The following PLCB1 variants were observed in gnomAD, a reference collection of about 807,000 sequenced individuals.
PLCB1 encodes phospholipase C beta 1.
Under a neutral mutation model 161.8 loss-of-function variants are expected in PLCB1, and 46 were observed. That is an observed-to-expected ratio of 0.28 (90% CI 0.22 to 0.36). The LOEUF is 0.36. Among genes scored for constraint, PLCB1 ranks in the 10% least tolerant of loss-of-function variants. PLCB1 has a pLI of 1.00. For missense variants in PLCB1, 1,016 were observed against 1,472.5 expected (o/e 0.69, Z 5.07); for synonymous variants, 517 against 503.7 (o/e 1.03, Z -0.35).
At chr20:8,154,275 G>C (rs1322810370) in intron 2 of PLCB1, among the ~76,000 whole-genome samples, 1 of 152,146 alleles carries the variant, frequency 6.6e-6, no homozygotes, top group African/African-American at 2.4e-5. Context: ...GTTAGTACAT[G>C]TGTATGTATC....
chr20:8,286,135 GCCAGCATGGCTAAACC>G (rs1983110485), intron 2 of PLCB1, among the ~76,000 whole-genome samples: 1 of 152,148 alleles, frequency 6.6e-6, no homozygotes. Flanking sequence ...GACCAGCCTG[GCCAGCATGGCTAAACC>G]CCGTCTCTAC....
At chr20:8,567,006 C>G (rs1986357887) in intron 3 of PLCB1, among the ~76,000 whole-genome samples, 1 of 152,102 alleles carries the variant, frequency 6.6e-6, no homozygotes, top group South Asian at 2.1e-4. Flanking sequence ...TATAACAGAA[C>G]TCGTAATTCT....
At chr20:8,447,322 T>G (rs534715252) in intron 3 of PLCB1, among the ~76,000 whole-genome samples, 1 of 152,138 alleles carries the variant, frequency 6.6e-6, no homozygotes, top group African/African-American at 2.4e-5. Context: ...GCTGTGAAAT[T>G]TGGACAAGCA....
In PLCB1 at chr20:8,307,529, G is replaced by GT. The variant is rs548501007; in HGVS notation, c.178-63845dup. Reference sequence around the variant, plus strand: ...TTTTTGTGCTTTTGGTTTGGTGGGGGTTTTTTTTGTTAGTTTTTGAGGGTT... The same window carrying GT: ...TTTTTGTGCTTTTGGTTTGGTGGGGGTTTTTTTTTGTTAGTTTTTGAGGGTT... On this transcript the variant is annotated intron_variant, in intron 2 of 31. Coordinates refer to ENST00000338037, the MANE Select transcript of PLCB1 (RefSeq NM_015192.4). 3.0e-4 allele frequency among the ~76,000 whole-genome samples: 45 copies of GT among 151,880 alleles called. No individual in the cohort carries two copies. In the South Asian group the frequency reaches 3.7e-3, roughly 13 times the overall value.
intron 31 of PLCB1, among the ~76,000 whole-genome samples, chr20:8,824,144 A>T (rs1316194836): frequency 6.6e-6 from 1 of 152,152 alleles, no homozygotes; most frequent in Admixed American, 6.5e-5. Flanking sequence ...TAAAAGCTCA[A>T]TACCTTTATT....
At chr20:8,395,820 A>T (rs867645626) in intron 3 of PLCB1, among the ~76,000 whole-genome samples, 62 of 148,624 alleles carry the variant, frequency 4.2e-4, no homozygotes, top group African/African-American at 1.1e-3. Context: ...TTCCCATTTT[A>T]AAAAAAAAAC....
intron 3 of PLCB1, among the ~76,000 whole-genome samples, chr20:8,496,677 A>G (rs1304478270): frequency 6.6e-6 from 1 of 152,164 alleles, no homozygotes; most frequent in Non-Finnish European, 1.5e-5. Context: ...TTGGCTAAGA[A>G]TGTCCTTAAA....
intron 2 of PLCB1, among the ~76,000 whole-genome samples, chr20:8,189,551 A>T (rs2051943371): frequency 6.6e-6 from 1 of 152,020 alleles, no homozygotes; most frequent in Non-Finnish European, 1.5e-5. Context: ...TACACCTGAA[A>T]TGTAGGCGGC....
chr20:8,543,754 G>C (rs1278849502), intron 3 of PLCB1, among the ~76,000 whole-genome samples: 1 of 151,974 alleles, frequency 6.6e-6, no homozygotes, highest in Non-Finnish European at 1.5e-5. Context: ...TAGATTATGG[G>C]GGCAGTTCCC....
chr20:8,559,489 AT>A (rs1045769125), intron 3 of PLCB1, among the ~76,000 whole-genome samples: 3 of 152,002 alleles, frequency 2.0e-5, no homozygotes, highest in African/African-American at 7.2e-5. Flanking sequence ...TTAAATGTAA[AT>A]GAGCTAAACT....
chr20:8,483,941 A>C (rs904405969), intron 3 of PLCB1, among the ~76,000 whole-genome samples: 2 of 152,200 alleles, frequency 1.3e-5, no homozygotes, highest in Non-Finnish European at 2.9e-5. Flanking sequence ...AAATGCACAC[A>C]CATAGCAGCT....
rs2423352 is a variant in PLCB1, at chr20:8,196,636, C to T, written c.177+46265C>T. On this transcript the variant is annotated intron_variant, in intron 2 of 31. Coordinates refer to ENST00000338037, the MANE Select transcript of PLCB1 (RefSeq NM_015192.4). Reference sequence around the variant, plus strand: ...ACTCCTTCTGTCTAACAGCCTCAAACAAGCTCCTTTTCTTTATATATATAT... The same window carrying T: ...ACTCCTTCTGTCTAACAGCCTCAAATAAGCTCCTTTTCTTTATATATATAT... 2.7e-5 allele frequency among the ~76,000 whole-genome samples: 4 copies of T among 150,400 alleles called. No homozygotes were observed. The East Asian group carries it at 7.8e-4, about 29-fold the overall frequency.
intron 3 of PLCB1, among the ~76,000 whole-genome samples, chr20:8,463,991 T>C (rs1339256681): frequency 6.6e-6 from 1 of 152,108 alleles, no homozygotes; most frequent in Non-Finnish European, 1.5e-5. Context: ...CTCCCGGGAG[T>C]ATTGTTAAAT....
At position 8,154,083 on chromosome 20, in the gene PLCB1, T is replaced by C. The variant is rs77267212; in HGVS notation, c.177+3712T>C. Among the ~76,000 whole-genome samples, 1,167 of 152,328 alleles carry C rather than the reference T, an allele frequency of 7.7e-3. 18 individuals are homozygous for C. Among genetic ancestry groups the C allele is most frequent in the African/African-American group, 0.026 (1,083 of 41,580 alleles). On this transcript the variant is annotated intron_variant, in intron 2 of 31. Transcript: ENST00000338037. ...GGTCTCTTTTAAATAAATTTGTGCA[T>C]GTGTAACTATGGAAATATTTCATTT...
chr20:8,667,144 GACAA>G (rs1568553198), intron 9 of PLCB1, among the ~76,000 whole-genome samples: 1 of 152,074 alleles, frequency 6.6e-6, no homozygotes, highest in Non-Finnish European at 1.5e-5. Flanking sequence ...TCTCCCAAAA[GACAA>G]AAACAGAGGA....
At chr20:8,721,985 A>G (rs1979663152) in intron 14 of PLCB1, among the ~76,000 whole-genome samples, 1 of 152,140 alleles carries the variant, frequency 6.6e-6, no homozygotes, top group Non-Finnish European at 1.5e-5. Context: ...AGACCCTGAG[A>G]GAGTGTTTGT....
intron 2 of PLCB1, among the ~76,000 whole-genome samples, chr20:8,308,605 AG>A (rs1238161580): frequency 2.9e-5 from 4 of 139,212 alleles, no homozygotes; most frequent in African/African-American, 1.1e-4. Flanking sequence ...CAACAGAGCG[AG>A]ATTCCGTATA....
At chr20:8,696,285 G>GC (rs1303044876) in intron 10 of PLCB1, among the ~76,000 whole-genome samples, 1 of 152,096 alleles carries the variant, frequency 6.6e-6, no homozygotes, top group Admixed American at 6.5e-5. Context: ...AATTGTCTTG[G>GC]CAATTGTTGA....
At chr20:8,274,512 A>G (rs527604666) in intron 2 of PLCB1, among the ~76,000 whole-genome samples, 2 of 151,992 alleles carry the variant, frequency 1.3e-5, no homozygotes, top group Admixed American at 1.3e-4. Context: ...TCTCTAAAAC[A>G]TTCATGGTGA....
Sources: gnomAD v4.1 joint callset for allele counts (sites outside exome capture counted in the v4.1 genomes callset) on GRCh38, gnomAD v4.1.1 for gene constraint, MANE v1.5 for transcripts, NCBI Gene and HGNC (gene_info 2026-07-23, HGNC 2026-07-21) for gene names.